Variants in EXOC6B observed in about 807,000 individuals in gnomAD.
The protein encoded by EXOC6B is exocyst complex component 6B.
EXOC6B carries 54 observed loss-of-function variants against 113.5 expected under a neutral mutation model. That is an observed-to-expected ratio of 0.48 (90% CI 0.38 to 0.60). The LOEUF (loss-of-function observed/expected upper bound fraction) is 0.60. Among genes scored for constraint, EXOC6B ranks in the 20% least tolerant of loss-of-function variants. The probability of loss-of-function intolerance (pLI) is 0.00; values close to 1 mark genes in which losing one functional copy is unlikely to be tolerated. For synonymous variants in EXOC6B, 357 were observed against 339.0 expected, an observed-to-expected ratio of 1.05 and a Z score of -0.58; for missense variants, 797 against 977.5, an observed-to-expected ratio of 0.82 and a Z score of 2.46.
intron 19 of EXOC6B, among the ~76,000 whole-genome samples, chr2:72,370,464 GGGATCTAAAACTA>G (rs1244830751): frequency 6.6e-6 from 1 of 152,162 alleles, no homozygotes; most frequent in Non-Finnish European, 1.5e-5. Context: ...TGATTCCTCA[GGGATCTAAAACTA>G]GAAATACCAT....
At chr2:72,550,870 A>G (rs1010144393) in intron 8 of EXOC6B, among the ~76,000 whole-genome samples, 1 of 151,948 alleles carries the variant, frequency 6.6e-6, no homozygotes, top group Non-Finnish European at 1.5e-5. Context: ...AACCATTAGC[A>G]TCAGAGATAC....
chr2:72,498,407 C>A, intron 13 of EXOC6B, 47 bp downstream of exon 13: 2 of 1,296,302 alleles, frequency 1.5e-6, no homozygotes, highest in Non-Finnish European at 2.2e-6. Context: ...TGTGTGTACA[C>A]TAATGTACAT....
At chr2:72,776,536 G>C (rs1174159483) in intron 1 of EXOC6B, among the ~76,000 whole-genome samples, 3 of 152,044 alleles carry the variant, frequency 2.0e-5, no homozygotes, top group Admixed American at 2.0e-4. Context: ...AGGATCACTT[G>C]AGCCCCAGAG....
At chr2:72,273,062 A>C (rs1684589106) in intron 20 of EXOC6B, among the ~76,000 whole-genome samples, 1 of 152,128 alleles carries the variant, frequency 6.6e-6, no homozygotes, top group African/African-American at 2.4e-5. Flanking sequence ...GGTGTGATAA[A>C]CTATAATGGC....
At chr2:72,447,607 C>T (rs1696665071) in intron 18 of EXOC6B, among the ~76,000 whole-genome samples, 1 of 152,122 alleles carries the variant, frequency 6.6e-6, no homozygotes, top group Admixed American at 6.5e-5. Context: ...AGATACTGGA[C>T]CACCATGGTG....
intron 6 of EXOC6B, among the ~76,000 whole-genome samples, chr2:72,658,901 C>A (rs1674803807): frequency 6.6e-6 from 1 of 151,974 alleles, no homozygotes; most frequent in Non-Finnish European, 1.5e-5. Flanking sequence ...ATTATACAAA[C>A]CATGATGTCT....
chr2:72,735,324 A>G (rs1680878504), intron 2 of EXOC6B, among the ~76,000 whole-genome samples: 1 of 152,170 alleles, frequency 6.6e-6, no homozygotes, highest in Non-Finnish European at 1.5e-5. Context: ...AAGTATAGGG[A>G]ACACACACAC....
At chr2:72,325,977 A>G (rs926520032) in intron 20 of EXOC6B, among the ~76,000 whole-genome samples, 8 of 151,960 alleles carry the variant, frequency 5.3e-5, no homozygotes, top group African/African-American at 1.7e-4. Context: ...TTCTTGGTAA[A>G]CTGAACTATG....
intron 20 of EXOC6B, among the ~76,000 whole-genome samples, chr2:72,309,303 G>C (rs1687063667): frequency 6.6e-6 from 1 of 152,160 alleles, no homozygotes; most frequent in African/African-American, 2.4e-5. Context: ...TTGGTGCCAA[G>C]TTAATGATAA....
chr2:72,505,388 T>C (rs1437587228), intron 11 of EXOC6B, among the ~76,000 whole-genome samples: 1 of 152,154 alleles, frequency 6.6e-6, no homozygotes, highest in African/African-American at 2.4e-5. Flanking sequence ...CAAGGATCCA[T>C]ATATGTGTGA....
At chr2:72,492,087 A>T (rs1454273108) in intron 16 of EXOC6B, among the ~76,000 whole-genome samples, 1 of 152,208 alleles carries the variant, frequency 6.6e-6, no homozygotes. Context: ...AGAAAGGAAA[A>T]CCAGTTAAGC....
intron 6 of EXOC6B, among the ~76,000 whole-genome samples, chr2:72,682,877 A>G (rs1214996152): frequency 6.6e-6 from 1 of 152,182 alleles, no homozygotes; most frequent in Admixed American, 6.5e-5. Flanking sequence ...TATATCCACT[A>G]TAATTATTAT....
intron 1 of EXOC6B, among the ~76,000 whole-genome samples, chr2:72,801,033 C>G (rs2105081344): frequency 6.6e-6 from 1 of 152,242 alleles, no homozygotes; most frequent in South Asian, 2.1e-4. Flanking sequence ...AAGTGCATTA[C>G]AGTGCTTAGG....
chr2:72,744,736 T>C (rs937411051), intron 1 of EXOC6B, among the ~76,000 whole-genome samples: 16 of 152,312 alleles, frequency 1.1e-4, no homozygotes, highest in African/African-American at 3.8e-4. Flanking sequence ...TAAAACTTCT[T>C]TTCATTTCTT....
rs540854492 is a variant in EXOC6B, at chr2:72,184,145, C to A, written c.2239G>T (p.Ala747Ser). Residue 747 changes from alanine (A) to serine (S), a missense_variant, in exon 21 of 22, where the codon GCT becomes TCT. Ala to Ser is a moderately conservative substitution (Grantham distance 99, BLOSUM62 1). Coordinates refer to ENST00000272427, the MANE Select transcript of EXOC6B (RefSeq NM_015189.3). ...TTGCAGTTGGGCTGACCATAGTCAG[C>A]AAGGTAGGTTGACCAATCCCACTGG... is the stretch of plus-strand genomic sequence containing the variant. ...FIQWDWSTYLADYGQPNCKYL... is the reference protein window; with the variant it reads ...FIQWDWSTYLSDYGQPNCKYL... 1 of 1,562,210 alleles carries A rather than the reference C, an allele frequency of 6.4e-7. No homozygotes were observed. Among genetic ancestry groups the A allele is most frequent in the Admixed American group, 1.9e-5 (1 of 52,208 alleles).
At chr2:72,495,717 A>G (rs1450672765) in intron 14 of EXOC6B, among the ~76,000 whole-genome samples, 178 bp from the exon 15 acceptor site, 2 of 152,238 alleles carry the variant, frequency 1.3e-5, no homozygotes, top group East Asian at 3.8e-4. Context: ...ATAAATTTAA[A>G]TAAAACAATA....
intron 20 of EXOC6B, among the ~76,000 whole-genome samples, chr2:72,191,219 CT>C (rs1353744547): frequency 5.3e-5 from 8 of 152,090 alleles, no homozygotes; most frequent in East Asian, 1.9e-4. Flanking sequence ...TGATAGGATA[CT>C]TTTTTTTCTT....
At chr2:72,439,236 T>C (rs1253729480) in intron 18 of EXOC6B, among the ~76,000 whole-genome samples, 1 of 152,194 alleles carries the variant, frequency 6.6e-6, no homozygotes, top group Non-Finnish European at 1.5e-5. Context: ...CTTGGGGATA[T>C]TTAACTAGGG....
intron 20 of EXOC6B, among the ~76,000 whole-genome samples, chr2:72,306,369 G>A (rs1686858266): frequency 6.6e-6 from 1 of 152,012 alleles, no homozygotes; most frequent in Non-Finnish European, 1.5e-5. Flanking sequence ...ATATAACTGT[G>A]TCATTATAAT....
Sources: allele counts gnomAD v4.1 joint callset (sites outside exome capture counted in the v4.1 genomes callset), GRCh38; gene constraint gnomAD v4.1.1; transcripts MANE v1.5; gene names NCBI Gene and HGNC (gene_info 2026-07-23, HGNC 2026-07-21).